The following PLEKHA5 variants were observed in gnomAD, a reference collection of about 807,000 sequenced individuals.
The protein encoded by PLEKHA5 is pleckstrin homology domain-containing family A member 5.
A neutral mutation model predicts 181.9 loss-of-function variants in PLEKHA5; 55 were observed. That is an observed-to-expected ratio of 0.30 (90% CI 0.24 to 0.38). The LOEUF (loss-of-function observed/expected upper bound fraction) is 0.38, where lower values mean the gene tolerates loss of function less well. PLEKHA5 is among the 10% of genes least tolerant of loss of function. The pLI is 1.00. For synonymous variants in PLEKHA5, 535 were observed against 529.4 expected, an observed-to-expected ratio of 1.01 and a Z score of -0.15; for missense variants, 1,432 against 1,549.5, an observed-to-expected ratio of 0.92 and a Z score of 1.27.
chr12:19,262,967 A>C (rs1486579291), intron 7 of PLEKHA5, among the ~76,000 whole-genome samples: 1 of 152,238 alleles, frequency 6.6e-6, no homozygotes. Flanking sequence ...TGTATTTATT[A>C]ATTTTAGTAG....
chr12:19,212,244 C>T (rs1492131), intron 3 of PLEKHA5, among the ~76,000 whole-genome samples: 79,929 of 151,878 alleles, frequency 0.53, 26,458 homozygotes, highest in Non-Finnish European at 0.74. Context: ...GCTGAGGCGA[C>T]GGCCACTGCC....
intron 3 of PLEKHA5, 65 bp from the exon 4 acceptor site, chr12:19,253,875 T>C: frequency 2.1e-6 from 2 of 961,900 alleles, no homozygotes; most frequent in South Asian, 2.8e-5. Flanking sequence ...TAGACTAATG[T>C]TACAATAAAT....
chr12:19,171,953 A>G (rs1057465874), intron 3 of PLEKHA5, among the ~76,000 whole-genome samples: 2 of 152,178 alleles, frequency 1.3e-5, no homozygotes, highest in African/African-American at 4.8e-5. Flanking sequence ...AGTAACACTC[A>G]TGGAGCTGTC....
At chr12:19,352,531 A>C (rs536006185) in intron 25 of PLEKHA5, among the ~76,000 whole-genome samples, 1 of 151,794 alleles carries the variant, frequency 6.6e-6, no homozygotes, top group East Asian at 1.9e-4. Flanking sequence ...GGTTGAACTA[A>C]CTTGTTAACG....
intron 13 of PLEKHA5, among the ~76,000 whole-genome samples, chr12:19,289,850 A>G (rs1210902866): frequency 6.6e-6 from 1 of 152,166 alleles, no homozygotes; most frequent in Non-Finnish European, 1.5e-5. Context: ...ATTTCAGAGT[A>G]TAACTGGGAA....
At chr12:19,194,324 T>C (rs1034268098) in intron 3 of PLEKHA5, among the ~76,000 whole-genome samples, 3 of 152,244 alleles carry the variant, frequency 2.0e-5, no homozygotes, top group African/African-American at 7.2e-5. Flanking sequence ...TATATGCACA[T>C]TTACTTTATC....
chr12:19,283,432 C>T lies in PLEKHA5; in HGVS notation c.1466C>T (p.Thr489Ile), dbSNP rs761848800. The stretch of plus-strand genomic sequence containing the variant: ...GTAACCCCTTCCACTCATGACAAGA[C>T]ATTAGGACCCGGAGCGGAGGAGAAA... Reference protein sequence around the residue: ...CSVTPSTHDKTLGPGAEEKRR... With the variant: ...CSVTPSTHDKILGPGAEEKRR... The change falls in exon 12 of 32, where the codon ACA (threonine) becomes ATA (isoleucine). Residue 489 changes from threonine (T) to isoleucine (I), a missense_variant. Thr to Ile is a moderately conservative substitution (Grantham distance 89, BLOSUM62 -1). Coordinates refer to ENST00000429027, the MANE Select transcript of PLEKHA5 (RefSeq NM_001256470.2). 6 of 1,614,040 alleles carry T rather than the reference C, an allele frequency of 3.7e-6. No individual in the cohort carries two copies. The highest frequency in any genetic ancestry group is 4.2e-6 in the Non-Finnish European group (5 of 1,180,026).
intron 21 of PLEKHA5, among the ~76,000 whole-genome samples, chr12:19,336,850 G>A (rs897501675): frequency 1.8e-4 from 28 of 151,886 alleles, no homozygotes; most frequent in Non-Finnish European, 5.9e-5. Context: ...AGTGTTCTGT[G>A]CTCCTATCAG....
In PLEKHA5 at chr12:19,347,130, A is replaced by G; in HGVS notation, c.2846A>G (p.Glu949Gly). Residue 949 changes from glutamate (E) to glycine (G), a missense_variant, in exon 24 of 32, where the codon GAA becomes GGA. Physicochemically the swap from Glu to Gly is moderately conservative, Grantham distance 98. Transcript: ENST00000429027. ...AGCAGGGGCCCAGTTCATCTGCCTG[A>G]AGAAAAGAAGATGTATCAAGTTCAA... ...CYSRGPVHLPEEKKMYQVQGY... is the reference protein window; with the variant it reads ...CYSRGPVHLPGEKKMYQVQGY... 1 of 1,550,418 alleles carries G rather than the reference A, an allele frequency of 6.4e-7. No individual in the cohort carries two copies. Among genetic ancestry groups the G allele is most frequent in the Non-Finnish European group, 8.7e-7 (1 of 1,146,092 alleles).
chr12:19,219,259 G>C (rs183437147), intron 3 of PLEKHA5, among the ~76,000 whole-genome samples: 1 of 152,234 alleles, frequency 6.6e-6, no homozygotes, highest in African/African-American at 2.4e-5. Context: ...TCCTGAAACC[G>C]AATTCCCGAG....
chr12:19,260,534 A>T (rs752356357), intron 6 of PLEKHA5, among the ~76,000 whole-genome samples: 4 of 152,198 alleles, frequency 2.6e-5, no homozygotes, highest in Non-Finnish European at 4.4e-5. Flanking sequence ...TTACACATGT[A>T]TCAAACATAC....
chr12:19,352,782 C>T (rs951532377), intron 25 of PLEKHA5, among the ~76,000 whole-genome samples: 3 of 151,486 alleles, frequency 2.0e-5, no homozygotes, highest in Non-Finnish European at 2.9e-5. Flanking sequence ...ATTTTTTCTT[C>T]TCTTTTTTCT....
intron 3 of PLEKHA5, among the ~76,000 whole-genome samples, chr12:19,251,597 C>T (rs2065307198): frequency 6.6e-6 from 1 of 151,748 alleles, no homozygotes; most frequent in Non-Finnish European, 1.5e-5. Context: ...TAGAGTCTCT[C>T]ACAGATAAAA....
intron 3 of PLEKHA5, among the ~76,000 whole-genome samples, chr12:19,180,705 A>G (rs2048329885): frequency 6.6e-6 from 1 of 152,276 alleles, no homozygotes; most frequent in African/African-American, 2.4e-5. Flanking sequence ...GATTTAAAAT[A>G]TGTTGGTCAT....
intron 7 of PLEKHA5, among the ~76,000 whole-genome samples, chr12:19,263,328 G>C (rs2069137207): frequency 6.6e-6 from 1 of 152,118 alleles, no homozygotes. Context: ...GCTTACCTCA[G>C]GTCTCACAAT....
At chr12:19,258,561 C>T (rs796193617) in intron 6 of PLEKHA5, among the ~76,000 whole-genome samples, 39 of 123,752 alleles carry the variant, frequency 3.2e-4, no homozygotes, top group Middle Eastern at 5.2e-3. Flanking sequence ...TTTTCTTTTT[C>T]TTTTTTTTTT....
chr12:19,163,179 C>CTT (rs762716561), intron 3 of PLEKHA5, among the ~76,000 whole-genome samples: 13 of 141,678 alleles, frequency 9.2e-5, no homozygotes, highest in South Asian at 4.5e-4. Flanking sequence ...TTTGAATTCA[C>CTT]TTTTTTTTTT....
chr12:19,368,191 C>T (rs959952086), intron 30 of PLEKHA5, among the ~76,000 whole-genome samples: 2 of 152,132 alleles, frequency 1.3e-5, no homozygotes, highest in African/African-American at 4.8e-5. Flanking sequence ...TTGCCTCTGT[C>T]ACTTACAAGG....
At chr12:19,264,024 G>A (rs1401052231) in intron 7 of PLEKHA5, among the ~76,000 whole-genome samples, 1 of 151,300 alleles carries the variant, frequency 6.6e-6, no homozygotes, top group Admixed American at 6.6e-5. Context: ...AGCAGTTTAA[G>A]AAGCTGAAGA....
Sources: allele counts gnomAD v4.1 joint callset (sites outside exome capture counted in the v4.1 genomes callset), GRCh38; gene constraint gnomAD v4.1.1; transcripts MANE v1.5; gene names NCBI Gene and HGNC (gene_info 2026-07-23, HGNC 2026-07-21).